Variants in CCDC102B observed in about 807,000 individuals in gnomAD.
The protein encoded by CCDC102B is coiled-coil domain-containing protein 102B.
In CCDC102B, 75 loss-of-function variants were observed where a neutral mutation model predicts 57.4. The ratio of observed to expected loss-of-function variants is 1.31; its 90% CI spans 1.08 to 1.58. The LOEUF is 1.58. Ranked by LOEUF, CCDC102B falls within the 40% of genes most tolerant of loss-of-function variation. CCDC102B has a pLI of 0.00. For missense variants in CCDC102B, 636 were observed against 582.6 expected (o/e 1.09, Z -0.94); for synonymous variants, 206 against 201.9 (o/e 1.02, Z -0.17).
chr18:68,723,559 A>G (rs550525639), intron 2 of CCDC102B, among the ~76,000 whole-genome samples: 21 of 152,348 alleles, frequency 1.4e-4, no homozygotes, highest in Non-Finnish European at 2.6e-4. Context: ...AATTGGCCCA[A>G]AGGGGATACG....
rs981199019 is a variant in CCDC102B, at chr18:68,864,276, T to C, written c.937-10393T>C. ...AGTTTATTCTGAAACAATTTTTCTTTTCCTATATTTTCTATTCTTTCAATA... is the reference window on the plus strand; with the variant it reads ...AGTTTATTCTGAAACAATTTTTCTTCTCCTATATTTTCTATTCTTTCAATA... On this transcript the variant is annotated intron_variant, in intron 4 of 7. Transcript: ENST00000360242. Among the ~76,000 whole-genome samples the C allele has an allele frequency of 5.8e-4, 88 of 152,128 alleles. 2 individuals carry two copies. Among genetic ancestry groups the C allele is most frequent in the Non-Finnish European group, 1.2e-3 (83 of 67,900 alleles).
At chr18:69,049,962 A>C (rs2052663826) in intron 7 of CCDC102B, among the ~76,000 whole-genome samples, 1 of 152,088 alleles carries the variant, frequency 6.6e-6, no homozygotes, top group Non-Finnish European at 1.5e-5. Flanking sequence ...GGTGCCCGCC[A>C]CCATGCCCGG....
chr18:68,824,032 G>A (rs1441942209), intron 1 of CCDC102B, among the ~76,000 whole-genome samples: 1 of 151,106 alleles, frequency 6.6e-6, no homozygotes, highest in Non-Finnish European at 1.5e-5. Flanking sequence ...TTCTTTTGCT[G>A]TGCAAAAGCT....
intron 7 of CCDC102B, among the ~76,000 whole-genome samples, chr18:69,037,378 T>C (rs989090060): frequency 1.3e-5 from 2 of 152,008 alleles, no homozygotes; most frequent in Non-Finnish European, 2.9e-5. Flanking sequence ...ATGCTGATTA[T>C]AATTTAGCTT....
At chr18:69,026,051 A>T (rs2051980139) in intron 7 of CCDC102B, among the ~76,000 whole-genome samples, 1 of 151,966 alleles carries the variant, frequency 6.6e-6, no homozygotes, top group Admixed American at 6.6e-5. Context: ...GCATCATGAA[A>T]CCCTCCCTCA....
At chr18:68,858,684 G>A (rs1457170614) in intron 4 of CCDC102B, among the ~76,000 whole-genome samples, 3 of 152,094 alleles carry the variant, frequency 2.0e-5, no homozygotes, top group African/African-American at 7.2e-5. Flanking sequence ...GTTATTCTCT[G>A]TGATTTGGCC....
intron 7 of CCDC102B, among the ~76,000 whole-genome samples, chr18:69,038,915 T>A (rs2052361756): frequency 6.6e-6 from 1 of 152,028 alleles, no homozygotes; most frequent in African/African-American, 2.4e-5. Context: ...CATTATCGAG[T>A]GGCTCAATGT....
At chr18:68,823,215 T>C (rs1428471015) in intron 1 of CCDC102B, among the ~76,000 whole-genome samples, 1 of 152,182 alleles carries the variant, frequency 6.6e-6, no homozygotes, top group African/African-American at 2.4e-5. Context: ...ACCAAATTCT[T>C]TTAGCTTAGT....
At chr18:68,950,262 G>A (rs1307931730) in intron 6 of CCDC102B, among the ~76,000 whole-genome samples, 2 of 152,104 alleles carry the variant, frequency 1.3e-5, no homozygotes, top group African/African-American at 4.8e-5. Context: ...GATGTGAATT[G>A]GCTGAAACAG....
intron 6 of CCDC102B, among the ~76,000 whole-genome samples, chr18:68,970,441 G>A (rs954604499): frequency 1.3e-5 from 2 of 151,670 alleles, no homozygotes; most frequent in African/African-American, 2.4e-5. Flanking sequence ...ATCTAACTTG[G>A]AGATGTAATA....
intron 5 of CCDC102B, among the ~76,000 whole-genome samples, chr18:68,892,654 A>G (rs758998268): frequency 2.0e-5 from 3 of 152,146 alleles, no homozygotes; most frequent in Non-Finnish European, 2.9e-5. Flanking sequence ...TTTTCAAAGG[A>G]TACTATTTTA....
chr18:69,013,195 C>A (rs531495959), intron 7 of CCDC102B, among the ~76,000 whole-genome samples: 1 of 152,136 alleles, frequency 6.6e-6, no homozygotes, highest in Admixed American at 6.5e-5. Flanking sequence ...TATTCACCTA[C>A]AAACACGAAT....
At chr18:69,055,223 C>A (rs1223915842), downstream of CCDC102B, 5 of 869,576 alleles carry the variant, frequency 5.7e-6, no homozygotes, top group Non-Finnish European at 6.9e-6. Context: ...TTCACTGAGT[C>A]TTCACTTTTT....
At chr18:68,997,358 A>C (rs1203747478) in intron 6 of CCDC102B, among the ~76,000 whole-genome samples, 1 of 152,140 alleles carries the variant, frequency 6.6e-6, no homozygotes, top group Non-Finnish European at 1.5e-5. Flanking sequence ...TATTGTATCT[A>C]TTTCCTCATC....
chr18:68,723,727 GC>G (rs2032465063), intron 2 of CCDC102B, among the ~76,000 whole-genome samples: 1 of 152,172 alleles, frequency 6.6e-6, no homozygotes, highest in South Asian at 2.1e-4. Flanking sequence ...GGTACATACA[GC>G]CCCACTCCTG....
chr18:68,840,758 G>A (rs1401603332), intron 3 of CCDC102B, among the ~76,000 whole-genome samples: 2 of 152,102 alleles, frequency 1.3e-5, no homozygotes, highest in African/African-American at 4.8e-5. Flanking sequence ...GCAGAGCTGT[G>A]TTTTTCTAGA....
At chr18:68,787,312 G>A (rs1293058970) in intron 2 of CCDC102B, among the ~76,000 whole-genome samples, 30 of 151,674 alleles carry the variant, frequency 2.0e-4, no homozygotes, top group East Asian at 3.9e-4. Flanking sequence ...GTCTCGGCCC[G>A]GCTTTGGTAT....
chr18:68,836,712 A>G, intron 1 of CCDC102B, 37 bp from the exon 2 acceptor site: 12 of 1,513,846 alleles, frequency 7.9e-6, no homozygotes, highest in Non-Finnish European at 1.1e-5. Flanking sequence ...TACAAGGGAA[A>G]TTTCAGCGTG....
intron 5 of CCDC102B, among the ~76,000 whole-genome samples, chr18:68,891,637 G>C (rs1276945506): frequency 6.6e-6 from 1 of 152,144 alleles, no homozygotes; most frequent in Non-Finnish European, 1.5e-5. Flanking sequence ...CAAAGTGCTG[G>C]CAAGTTCAGT....
Sources: allele counts gnomAD v4.1 joint callset (sites outside exome capture counted in the v4.1 genomes callset), GRCh38; gene constraint gnomAD v4.1.1; transcripts MANE v1.5; gene names NCBI Gene and HGNC (gene_info 2026-07-23, HGNC 2026-07-21).